Variants in SLC35B4 observed in about 807,000 individuals in gnomAD.
SLC35B4 encodes the protein nucleotide sugar transporter SLC35B4.
Under a neutral mutation model 39.5 loss-of-function variants are expected in SLC35B4, and 28 were observed. That is an observed-to-expected ratio of 0.71 (90% confidence interval 0.53 to 0.97). The LOEUF is 0.97. Ranked by LOEUF, SLC35B4 falls within the 50% of genes least tolerant of loss-of-function variation. SLC35B4 has a pLI of 0.00. For synonymous variants in SLC35B4, 145 were observed against 150.4 expected (o/e 0.96, Z 0.26); for missense variants, 334 against 414.3 (o/e 0.81, Z 1.68).
At chr7:134,301,389 C>T (rs974202271) in intron 6 of SLC35B4, among the ~76,000 whole-genome samples, 4 of 152,140 alleles carry the variant, frequency 2.6e-5, no homozygotes, top group Admixed American at 6.5e-5. Context: ...ATGAGTCCCT[C>T]GGAAATTTAA....
chr7:134,316,809 C>A lies in SLC35B4; in HGVS notation c.-58G>T. On this transcript the variant is annotated 5_prime_UTR_variant, in exon 1 of 10. Coordinates refer to ENST00000378509, the MANE Select transcript of SLC35B4 (RefSeq NM_032826.5). ...GAGTAAGCGCCCGCCTGTACCGCTACCCCAGGAAGCCGGCCTCCTGCCTCT... is the reference window on the plus strand; with the variant it reads ...GAGTAAGCGCCCGCCTGTACCGCTAACCCAGGAAGCCGGCCTCCTGCCTCT... 1 of 1,509,768 alleles carries A rather than the reference C, an allele frequency of 6.6e-7. No individual in the cohort carries two copies. The highest frequency in any genetic ancestry group is 9.0e-7 in the Non-Finnish European group (1 of 1,117,168). The allele number at this position is 1,509,768 out of a possible 1,614,324, so 93.5% of individuals were successfully genotyped here. A position where few individuals can be genotyped will look rare whatever the true frequency, so the allele number is the denominator to read the frequency against.
chr7:134,306,244 C>G (rs1563217535), intron 3 of SLC35B4, among the ~76,000 whole-genome samples: 2 of 138,850 alleles, frequency 1.4e-5, no homozygotes, highest in East Asian at 4.1e-4. Context: ...TTTATTATCT[C>G]AAGTCTCTGC....
At chr7:134,312,670 T>A (rs1312725829) in intron 1 of SLC35B4, among the ~76,000 whole-genome samples, 1 of 152,178 alleles carries the variant, frequency 6.6e-6, no homozygotes, top group Non-Finnish European at 1.5e-5. Context: ...TCACATGACA[T>A]GTGTATTCGC....
At chr7:134,299,361 G>C in intron 8 of SLC35B4, 162 bp downstream of exon 8, 1 of 490,528 alleles carries the variant, frequency 2.0e-6, no homozygotes, top group Admixed American at 3.7e-5. Context: ...CCCTGTAAAA[G>C]CTTTTGCTGC....
At chr7:134,297,955 G>T (rs1461008669) in intron 8 of SLC35B4, among the ~76,000 whole-genome samples, 3 of 152,184 alleles carry the variant, frequency 2.0e-5, no homozygotes, top group African/African-American at 7.2e-5. Flanking sequence ...AAATTTGTGG[G>T]AGGAAATAAG....
chr7:134,318,179 C>A (rs1232809937), upstream of SLC35B4, among the ~76,000 whole-genome samples: 2 of 152,142 alleles, frequency 1.3e-5, no homozygotes, highest in Non-Finnish European at 2.9e-5. Context: ...ATTATTGGGT[C>A]TCGCTTTAGA....
At chr7:134,310,910 A>G (rs1803820133) in intron 1 of SLC35B4, among the ~76,000 whole-genome samples, 2 of 152,146 alleles carry the variant, frequency 1.3e-5, no homozygotes, top group Admixed American at 1.3e-4. Context: ...TAATTGTATT[A>G]TTACATATTA....
At position 134,309,382 on chromosome 7, in the gene SLC35B4, G is replaced by A. The variant is rs201322358; in HGVS notation, c.175C>T (p.Pro59Ser). The A allele has an allele frequency of 1.0e-4, 164 of 1,608,066 alleles. No homozygotes were observed. The highest frequency in any genetic ancestry group is 9.8e-5 in the Non-Finnish European group (116 of 1,177,752). ...GTACCATACCTTATTGGGATAGCTG[G>A]TGGCTTCCTTCCCAAATCAGCTTCA... ...LFEADLGRKP[P>S]AIPIRYYAIM... The change falls in exon 2 of 10, where the codon CCA (proline) becomes TCA (serine). Residue 59 changes from proline to serine, a missense_variant. Transcript: ENST00000378509.
chr7:134,304,771 T>G, intron 4 of SLC35B4, 34 bp downstream of exon 4: 2 of 1,528,580 alleles, frequency 1.3e-6, no homozygotes, highest in Non-Finnish European at 1.8e-6. Flanking sequence ...AGGGTATCAT[T>G]TCCATACACA....
chr7:134,318,272 C>A (rs1164836625), upstream of SLC35B4, among the ~76,000 whole-genome samples: 1 of 152,078 alleles, frequency 6.6e-6, no homozygotes, highest in East Asian at 1.9e-4. Flanking sequence ...CTAATGCATT[C>A]TAGAATTTGA....
rs57402927 is a variant in SLC35B4, at chr7:134,293,147, T to TACACAC, written c.*1680_*1685dup. ...TGTGCACCACACACACACACATACA[T>TACACAC]ACACACACACACACACAGTCTTTGT... is the stretch of plus-strand genomic sequence containing the variant. On this transcript the variant is annotated 3_prime_UTR_variant, in exon 10 of 10. Coordinates refer to ENST00000378509, the MANE Select transcript of SLC35B4 (RefSeq NM_032826.5). 62,880 of 150,516 alleles carry TACACAC rather than the reference T, an allele frequency of 0.42. 13,136 individuals are homozygous for TACACAC. The highest frequency in any genetic ancestry group is 0.5 in the Admixed American group (7,567 of 15,110). The allele number at this position is 150,516 out of a possible 1,614,324, so 9.3% of individuals were successfully genotyped here.
intron 2 of SLC35B4, 109 bp from the exon 3 acceptor site, chr7:134,306,883 C>T (rs889920277): frequency 1.8e-5 from 14 of 782,212 alleles, no homozygotes; most frequent in South Asian, 3.7e-5. Flanking sequence ...GTTTCCTCTG[C>T]GTTGCAAGAT....
At chr7:134,316,018 A>C (rs1398837907) in intron 1 of SLC35B4, among the ~76,000 whole-genome samples, 1 of 150,776 alleles carries the variant, frequency 6.6e-6, no homozygotes, top group African/African-American at 2.4e-5. Flanking sequence ...TTTGCAAGCC[A>C]CCTCAAAGAG....
intron 3 of SLC35B4, among the ~76,000 whole-genome samples, chr7:134,305,691 A>G (rs533021782): frequency 1.3e-5 from 2 of 152,208 alleles, no homozygotes; most frequent in South Asian, 2.1e-4. Context: ...CTTCCCTCAG[A>G]CGGAGTTTTG....
Position 134,316,677 on chromosome 7 carries a change from G to T in SLC35B4, c.75C>A (p.Ala25=). The change falls in exon 1 of 10, where the codon GCC becomes GCA. Residue 25 remains alanine, a splice_region_variant and synonymous_variant. Coordinates refer to ENST00000378509, the MANE Select transcript of SLC35B4 (RefSeq NM_032826.5). ...CSNVIFLELL[A]RKHPGCGNIV... Reference sequence around the variant, plus strand: ...TGCGGCCCGAGCGGGTCACTCACCGGGCCAGGAGCTCTAGGAAGATCACGT... The same window carrying T: ...TGCGGCCCGAGCGGGTCACTCACCGTGCCAGGAGCTCTAGGAAGATCACGT... The T allele has an allele frequency of 6.5e-7, 1 of 1,550,222 alleles. No individual in the cohort carries two copies. Among genetic ancestry groups the T allele is most frequent in the Non-Finnish European group, 8.7e-7 (1 of 1,146,696 alleles).
rs1246656686 is a variant in SLC35B4 at position 134,292,041 on chromosome 7, A to G, written c.*2792T>C. ...TCTAGCATAGAGTTTTGGATGTCTT[A>G]AAAACTAAACTCTTTGTAAACAAAC... On this transcript the variant is annotated 3_prime_UTR_variant, in exon 10 of 10. Coordinates refer to ENST00000378509, the MANE Select transcript of SLC35B4 (RefSeq NM_032826.5). 2 of 154,190 alleles carry G rather than the reference A, an allele frequency of 1.3e-5. No individual in the cohort carries two copies. The highest frequency in any genetic ancestry group is 2.9e-5 in the Non-Finnish European group (2 of 68,218). The allele number at this position is 154,190 out of a possible 1,614,324, so 9.6% of individuals were successfully genotyped here.
At chr7:134,304,889 G>C (rs370270578) in intron 3 of SLC35B4, 35 bp from the exon 4 acceptor site, 5 of 1,560,520 alleles carry the variant, frequency 3.2e-6, no homozygotes, top group Non-Finnish European at 3.5e-6. Context: ...GAGAGGTTTA[G>C]TGCACTAGGA....
upstream of SLC35B4, among the ~76,000 whole-genome samples, chr7:134,318,266 T>C (rs1171891936): frequency 2.0e-5 from 3 of 152,200 alleles, no homozygotes; most frequent in Non-Finnish European, 4.4e-5. Context: ...CTAATTCTAA[T>C]GCATTCTAGA....
intron 1 of SLC35B4, among the ~76,000 whole-genome samples, chr7:134,314,388 T>C (rs1803920208): frequency 6.6e-6 from 1 of 152,146 alleles, no homozygotes; most frequent in Admixed American, 6.5e-5. Context: ...GCTCACAAAC[T>C]AGTAAAGAGG....
Sources: allele counts gnomAD v4.1 joint callset (sites outside exome capture counted in the v4.1 genomes callset), GRCh38; gene constraint gnomAD v4.1.1; transcripts MANE v1.5; gene names NCBI Gene and HGNC (gene_info 2026-07-23, HGNC 2026-07-21).